Variants in MED22 observed in about 807,000 individuals in gnomAD.
MED22 encodes mediator of RNA polymerase II transcription subunit 22.
In MED22, 22 loss-of-function variants were observed where a neutral mutation model predicts 22.7. The observed-to-expected ratio is 0.97, with a 90% CI of 0.69 to 1.38. MED22 has a LOEUF of 1.38. MED22 is among the 40% of genes most tolerant of loss of function. MED22 has a pLI of 0.00. For synonymous variants in MED22, 134 were observed against 119.4 expected (o/e 1.12, Z -0.80); for missense variants, 247 against 263.0 (o/e 0.94, Z 0.42).
chr9:133,345,913 T>G (rs1026468791), intron 2 of MED22, among the ~76,000 whole-genome samples: 1 of 152,200 alleles, frequency 6.6e-6, no homozygotes, highest in Non-Finnish European at 1.5e-5. Context: ...GGCAAGTCAC[T>G]AAGTCTCCTG....
chr9:133,347,959 G>C lies in MED22; in HGVS notation c.-76C>G, dbSNP rs1836247650. ...CCGCACACCAGACGCCGCGTCCGCC[G>C]GGTCGGCCTAGGGCGGGGTGGTCAA... On this transcript the variant is annotated 5_prime_UTR_variant, in exon 1 of 5. Coordinates refer to ENST00000343730, the MANE Select transcript of MED22 (RefSeq NM_133640.5). 1 of 291,982 alleles carries C rather than the reference G, an allele frequency of 3.4e-6. No individual in the cohort carries two copies. 18.1% of individuals were successfully genotyped at this position (291,982 alleles called of 1,614,324 possible). A position where few individuals can be genotyped will look rare whatever the true frequency, so the allele number is the denominator to read the frequency against.
intron 4 of MED22, chr9:133,343,523 C>G (rs757459561): frequency 2.4e-6 from 3 of 1,236,958 alleles, no homozygotes; most frequent in Non-Finnish European, 3.0e-6. Flanking sequence ...GGGCCTGGCA[C>G]GTAGGTTGGC....
intron 3 of MED22, among the ~76,000 whole-genome samples, 167 bp from the exon 4 acceptor site, chr9:133,344,500 T>C (rs1205044467): frequency 6.6e-6 from 1 of 152,224 alleles, no homozygotes; most frequent in African/African-American, 2.4e-5. Flanking sequence ...GAGAATTAAG[T>C]GAGAAAACTG....
At position 133,339,128 on chromosome 9, in the gene MED22, A is replaced by C; in HGVS notation, c.*2377T>G. 8.9e-6 allele frequency: 6 copies of C among 671,754 alleles called. No homozygotes were observed. The highest frequency in any genetic ancestry group is 8.2e-5 in the South Asian group (6 of 73,330). 41.6% of individuals were successfully genotyped at this position (671,754 alleles called of 1,614,324 possible). On this transcript the variant is annotated 3_prime_UTR_variant, in exon 5 of 5. Coordinates refer to ENST00000343730, the MANE Select transcript of MED22 (RefSeq NM_133640.5). ...TATTGTAGATATCAAGGGAATGGGT[A>C]CTGTTCAAAAAGGAATGCCCCACAA...
chr9:133,348,128 G>A lies in MED22; in HGVS notation c.-245C>T, dbSNP rs889191900. 16 of 1,433,584 alleles carry A rather than the reference G, an allele frequency of 1.1e-5. No homozygotes were observed. Among genetic ancestry groups the A allele is most frequent in the Non-Finnish European group, 1.6e-5 (16 of 1,017,372 alleles). 88.8% of individuals were successfully genotyped at this position (1,433,584 alleles called of 1,614,324 possible). ...CCCGCCTCGATTTTTAGCTTTATAGGAATGCTGTTGCTTTAAATCCGAAAT... is the reference window on the plus strand; with the variant it reads ...CCCGCCTCGATTTTTAGCTTTATAGAAATGCTGTTGCTTTAAATCCGAAAT... On this transcript the variant is annotated 5_prime_UTR_variant, in exon 1 of 5. Transcript: ENST00000343730.
In MED22 at chr9:133,343,654, G is replaced by A. The variant is rs1006608296; in HGVS notation, c.413+471C>T. 4.0e-5 allele frequency: 50 copies of A among 1,253,628 alleles called. No individual in the cohort carries two copies. In the African/African-American group the frequency reaches 5.0e-4, roughly 13 times the overall value. 77.7% of individuals were successfully genotyped at this position (1,253,628 alleles called of 1,614,324 possible). A position where few individuals can be genotyped will look rare whatever the true frequency, so the allele number is the denominator to read the frequency against. On this transcript the variant is annotated intron_variant, in intron 4 of 4. Coordinates refer to ENST00000343730, the MANE Select transcript of MED22 (RefSeq NM_133640.5). ...TGACTGTCCCTGCCTCCACACTGGG[G>A]TTTGGTGACATCCACATGGAATTGC... is the stretch of plus-strand genomic sequence containing the variant.
At position 133,341,659 on chromosome 9, in the gene MED22, C is replaced by T. The variant is rs149935751; in HGVS notation, c.449G>A (p.Cys150Tyr). 1.3e-5 allele frequency: 21 copies of T among 1,608,466 alleles called. No homozygotes were observed. The African/African-American group carries it at 1.9e-4, about 14-fold the overall frequency. ...GAGGTCCAGCCTCCCGTAAGCTTCG[C>T]ACAGAGGCAGGTCATTAGCTTCGCA... ...SLCEANDLPL[C>Y]EAYGRLDLDT... is the part of the protein sequence containing the mutation. Residue 150 changes from cysteine to tyrosine, a missense_variant, in exon 5 of 5, where the codon TGC becomes TAC. By Grantham distance (194) the Cys-to-Tyr change is radical. Coordinates refer to ENST00000343730, the MANE Select transcript of MED22 (RefSeq NM_133640.5).
At chr9:133,346,811 A>C in intron 1 of MED22, 111 bp from the exon 2 acceptor site, 1 of 974,836 alleles carries the variant, frequency 1.0e-6, no homozygotes, top group South Asian at 1.7e-5. Context: ...TCTGCCAAAT[A>C]AAGTCAATCA....
rs1314728286 is a variant in MED22, at chr9:133,339,289, G to A, written c.*2216C>T. ...CAGCACACTAAGCACTCTAAGAGCC[G>A]AGAGAGCTTCCTGAAACGCGTGAAG... On this transcript the variant is annotated 3_prime_UTR_variant, in exon 5 of 5. Coordinates refer to ENST00000343730, the MANE Select transcript of MED22 (RefSeq NM_133640.5). 5 of 705,244 alleles carry A rather than the reference G, an allele frequency of 7.1e-6. No individual in the cohort carries two copies. The highest frequency in any genetic ancestry group is 5.6e-5 in the East Asian group (2 of 35,868). The allele number at this position is 705,244 out of a possible 1,614,324, so 43.7% of individuals were successfully genotyped here.
Position 133,343,512 on chromosome 9 carries a change from G to A in MED22, c.413+613C>T, listed in dbSNP as rs2129956975. The A allele has an allele frequency of 9.1e-5, 113 of 1,236,264 alleles. 1 individual carries two copies. The South Asian group carries it at 3.0e-3, about 33-fold the overall frequency. The allele number at this position is 1,236,264 out of a possible 1,614,324, so 76.6% of individuals were successfully genotyped here. A position where few individuals can be genotyped will look rare whatever the true frequency, so the allele number is the denominator to read the frequency against. The stretch of plus-strand genomic sequence containing the variant: ...CTTCTGCATCCCTGGGACCCAGCAC[G>A]GGGCCTGGCACGTAGGTTGGCTCCA... On this transcript the variant is annotated intron_variant, in intron 4 of 4. Transcript: ENST00000343730.
rs782710186 is a variant in MED22 at position 133,345,171 on chromosome 9, C to G, written c.204+1G>C. 6.2e-7 allele frequency: 1 copy of G among 1,613,902 alleles called. No homozygotes were observed. The highest frequency in any genetic ancestry group is 1.3e-5 in the African/African-American group (1 of 75,038). On this transcript the variant is annotated splice_donor_variant, in intron 3 of 4. Transcript: ENST00000343730. LOFTEE classifies it high-confidence loss of function. ...CCGTGCCCTCCACCCTGGCCACTCACGATGTTGGCGGCTCGCACATGCATC... is the reference window on the plus strand; with the variant it reads ...CCGTGCCCTCCACCCTGGCCACTCAGGATGTTGGCGGCTCGCACATGCATC...
At chr9:133,343,290 A>G in intron 4 of MED22, 1 of 1,226,432 alleles carries the variant, frequency 8.2e-7, no homozygotes, top group Non-Finnish European at 1.0e-6. Context: ...ATGGACATGG[A>G]CTCTGCATCT....
At chr9:133,343,301 G>A in intron 4 of MED22, 1 of 1,227,762 alleles carries the variant, frequency 8.1e-7, no homozygotes, top group Non-Finnish European at 1.0e-6. Flanking sequence ...CTCTGCATCT[G>A]CTGGACTGAA....
intron 4 of MED22, chr9:133,343,834 T>G: frequency 7.1e-7 from 1 of 1,410,920 alleles, no homozygotes; most frequent in Non-Finnish European, 9.2e-7. Context: ...GAAGAGGGCC[T>G]GCGGGGGATA....
chr9:133,344,260 G>T lies in MED22; in HGVS notation c.278C>A (p.Ser93Tyr). 1 of 1,614,248 alleles carries T rather than the reference G, an allele frequency of 6.2e-7. No homozygotes were observed. Among genetic ancestry groups the T allele is most frequent in the South Asian group, 1.1e-5 (1 of 91,092 alleles). ...KQFLILNDFPSVNEAIDQRNQ... is the reference protein window; with the variant it reads ...KQFLILNDFPYVNEAIDQRNQ... ...GCGCTGGTCAATGGCCTCGTTCACG[G>T]AGGGGAAGTCATTGAGGATCAGGAA... The change falls in exon 4 of 5, where the codon TCC (serine) becomes TAC (tyrosine). Residue 93 changes from serine to tyrosine, a missense_variant. Ser to Tyr is a moderately radical substitution (Grantham distance 144, BLOSUM62 -2). Transcript: ENST00000343730.
At chr9:133,347,160 C>T in intron 1 of MED22, 1 of 159,656 alleles carries the variant, frequency 6.3e-6, no homozygotes, top group South Asian at 1.6e-4. Flanking sequence ...CGCTCCAGAC[C>T]TCATCCCTGC....
intron 4 of MED22, chr9:133,342,559 G>T (rs1184196647): frequency 2.0e-6 from 2 of 986,766 alleles, no homozygotes; most frequent in Non-Finnish European, 2.4e-6. Flanking sequence ...AACAGGGCAG[G>T]GCAGGGCAGG....
rs2129956611 is a variant in MED22, at chr9:133,343,405, C to T, written c.413+720G>A. On this transcript the variant is annotated intron_variant, in intron 4 of 4. Coordinates refer to ENST00000343730, the MANE Select transcript of MED22 (RefSeq NM_133640.5). Reference sequence around the variant, plus strand: ...GTAAATGATACGTAGACTCTGATTTCTCAGGGCCCCTCCAGCTCAAACGGT... The same window carrying T: ...GTAAATGATACGTAGACTCTGATTTTTCAGGGCCCCTCCAGCTCAAACGGT... 4.9e-6 allele frequency: 6 copies of T among 1,226,592 alleles called. No individual in the cohort carries two copies. In the African/African-American group the frequency reaches 6.2e-5, roughly 13 times the overall value. 76.0% of individuals were successfully genotyped at this position (1,226,592 alleles called of 1,614,324 possible).
chr9:133,345,964 C>T (rs2129966668), intron 2 of MED22, among the ~76,000 whole-genome samples: 4 of 152,346 alleles, frequency 2.6e-5, no homozygotes, highest in South Asian at 4.1e-4. Context: ...CAACAGTGCC[C>T]ACCTCACAGA....
Sources: allele counts gnomAD v4.1 joint callset (sites outside exome capture counted in the v4.1 genomes callset), GRCh38; gene constraint gnomAD v4.1.1; transcripts MANE v1.5; gene names NCBI Gene and HGNC (gene_info 2026-07-23, HGNC 2026-07-21).